UNC79: variants seen among roughly 807,000 people sequenced by gnomAD.
UNC79 encodes the protein unc-79 subunit of NALCN channel complex.
In UNC79, 37 loss-of-function variants were observed where a neutral mutation model predicts 283.1. That is an observed-to-expected ratio of 0.13 (90% CI 0.10 to 0.17). The LOEUF (loss-of-function observed/expected upper bound fraction) is 0.17, where lower values mean the gene tolerates loss of function less well. Among genes scored for constraint, UNC79 ranks in the 10% least tolerant of loss-of-function variants. UNC79 has a pLI of 1.00. For missense variants in UNC79, 2,272 were observed against 3,211.1 expected, an observed-to-expected ratio of 0.71 and a Z score of 7.07; for synonymous variants, 1,107 against 1,200.2, an observed-to-expected ratio of 0.92 and a Z score of 1.61.
In UNC79 at chr14:93,528,356, C is replaced by T. The variant is rs553545098; in HGVS notation, c.964-202C>T. On this transcript the variant is annotated intron_variant, in intron 8 of 48. Coordinates refer to ENST00000555664, the Ensembl canonical transcript of UNC79. ...AGTTAACAGGAGAAATGAAAAACCACGGCAGCCACATTTAAATCCTCAGGG... is the reference window on the plus strand; with the variant it reads ...AGTTAACAGGAGAAATGAAAAACCATGGCAGCCACATTTAAATCCTCAGGG... Among the ~76,000 whole-genome samples the T allele has an allele frequency of 1.6e-3, 247 of 152,318 alleles. 1 individual carries two copies. The highest frequency in any genetic ancestry group is 2.5e-3 in the Non-Finnish European group (171 of 68,032).
At chr14:93,577,961 G>T (rs1401764343) in exon 18 of UNC79, 1 of 1,614,096 alleles carries the variant, frequency 6.2e-7, no homozygotes, top group Non-Finnish European at 8.5e-7. Context: ...GCCCTTTCAA[G>T]AATTTTGGAC....
In UNC79 at chr14:93,348,441, CAG is replaced by C. The variant is rs2053913670; in HGVS notation, c.-351+14919_-351+14920del. The C allele has an allele frequency of 1.1e-5, 3 of 261,164 alleles. No homozygotes were observed. In the East Asian group the frequency reaches 2.6e-4, roughly 23 times the overall value. 16.2% of individuals were successfully genotyped at this position (261,164 alleles called of 1,614,324 possible). A position where few individuals can be genotyped will look rare whatever the true frequency, so the allele number is the denominator to read the frequency against. On this transcript the variant is annotated intron_variant, in intron 1 of 49. Coordinates refer to the UNC79 transcript ENST00000256339. ...CTGTGAAAGGTCTGACTTAGTGACT[CAG>C]GGAGTGACATTGTTACTATATGGGA...
chr14:93,550,576 T>A (rs1424815161), intron 14 of UNC79, among the ~76,000 whole-genome samples: 1 of 151,154 alleles, frequency 6.6e-6, no homozygotes, highest in Non-Finnish European at 1.5e-5. Context: ...ATTTAGTCAT[T>A]TACTACATTT....
At chr14:93,395,419 A>T (rs144874173) in intron 1 of UNC79, among the ~76,000 whole-genome samples, 196 of 152,334 alleles carry the variant, frequency 1.3e-3, no homozygotes, top group Non-Finnish European at 2.5e-3. Context: ...GACAAAAGGC[A>T]AAAGGGGAAC....
chr14:93,365,155 G>A (rs969103902), intron 1 of UNC79, among the ~76,000 whole-genome samples: 4 of 152,130 alleles, frequency 2.6e-5, no homozygotes, highest in African/African-American at 9.7e-5. Context: ...GGAGGCCGAG[G>A]TGGGTGGATC....
exon 39 of UNC79, chr14:93,659,205 T>C (rs1250431130): frequency 1.9e-6 from 3 of 1,610,548 alleles, no homozygotes; most frequent in African/African-American, 1.3e-5. Flanking sequence ...TTCTTTAGAT[T>C]CCAGTTTAAG....
At chr14:93,347,214 T>G (rs1324210052) in intron 1 of UNC79, 11 of 1,519,158 alleles carry the variant, frequency 7.2e-6, no homozygotes, top group Non-Finnish European at 8.9e-6. Context: ...CTTGCGTTAC[T>G]TGGCCTCACC....
intron 7 of UNC79, among the ~76,000 whole-genome samples, chr14:93,520,957 T>G (rs931457860): frequency 5.9e-5 from 9 of 152,030 alleles, no homozygotes; most frequent in African/African-American, 2.2e-4. Flanking sequence ...TCAAATAATT[T>G]TGACTGGATG....
chr14:93,576,442 GA>G (rs1403680517), intron 17 of UNC79, among the ~76,000 whole-genome samples: 1 of 151,200 alleles, frequency 6.6e-6, no homozygotes, highest in Admixed American at 6.6e-5. Flanking sequence ...AATTGAAAAA[GA>G]AAAAAAAGAG....
chr14:93,551,717 G>C (rs568087896), intron 14 of UNC79, among the ~76,000 whole-genome samples: 32 of 152,220 alleles, frequency 2.1e-4, no homozygotes, highest in Non-Finnish European at 4.6e-4. Context: ...GTAGTGGTGT[G>C]GGTTTTGAGA....
chr14:93,539,911 C>T (rs9989141), intron 12 of UNC79, among the ~76,000 whole-genome samples: 91,871 of 152,040 alleles, frequency 0.6, 28,336 homozygotes, highest in Admixed American at 0.68. Context: ...TTTTCTCTAT[C>T]GTTACATATT....
At chr14:93,644,548 G>C (rs2069389407) in intron 34 of UNC79, among the ~76,000 whole-genome samples, 1 of 152,092 alleles carries the variant, frequency 6.6e-6, no homozygotes, top group Non-Finnish European at 1.5e-5. Context: ...AATAAGATAG[G>C]GTGTGATTAA....
intron 7 of UNC79, among the ~76,000 whole-genome samples, chr14:93,515,379 C>T (rs1595714406): frequency 6.6e-6 from 1 of 152,006 alleles, no homozygotes; most frequent in Admixed American, 6.6e-5. Flanking sequence ...TCTGATGACT[C>T]AGTGTTCTGG....
In UNC79 at chr14:93,617,152, C is replaced by T; in HGVS notation, c.4072C>T (p.His1358Tyr). 1.2e-6 allele frequency: 2 copies of T among 1,613,306 alleles called. No individual in the cohort carries two copies. The highest frequency in any genetic ancestry group is 1.7e-6 in the Non-Finnish European group (2 of 1,179,564). The stretch of plus-strand genomic sequence containing the variant: ...GGACTATAACATTAACTTGGGAAAA[C>T]ACCTTCTCCCCTTAGTGGTTCAGGT... The change falls in exon 28 of 49, where the codon CAC becomes TAC. Residue 1358 changes from histidine to tyrosine, a missense_variant. His to Tyr is a moderately conservative substitution (Grantham distance 83, BLOSUM62 2). Transcript: ENST00000555664. This position sits in a 1 kb window ranked among gnomAD's most constrained non-coding sequence, Gnocchi z 4.5.
At chr14:93,637,327 G>A (rs1285483136) in intron 32 of UNC79, 28 bp downstream of exon 35, 1 of 1,610,994 alleles carries the variant, frequency 6.2e-7, no homozygotes, top group Admixed American at 1.7e-5. Context: ...GTCTCTGGCT[G>A]TAAAAGCTGA....
intron 31 of UNC79, 43 bp from the exon 35 acceptor site, chr14:93,637,173 A>C (rs776020150): frequency 1.1e-6 from 1 of 935,258 alleles, no homozygotes. Flanking sequence ...AAATGGTGCT[A>C]AGATGACCAC....
intron 30 of UNC79, among the ~76,000 whole-genome samples, chr14:93,626,828 A>G (rs1023496242): frequency 5.3e-5 from 8 of 152,346 alleles, no homozygotes; most frequent in East Asian, 3.9e-4. Flanking sequence ...AAACGTTAGT[A>G]TAGAGTTTGG....
At chr14:93,646,366 A>G (rs568037081) in intron 34 of UNC79, among the ~76,000 whole-genome samples, 1 of 152,250 alleles carries the variant, frequency 6.6e-6, no homozygotes, top group East Asian at 1.9e-4. Context: ...TAGAAAACCA[A>G]CTTTAACTGC....
chr14:93,411,976 A>C (rs1207026069), intron 1 of UNC79, among the ~76,000 whole-genome samples: 1 of 152,272 alleles, frequency 6.6e-6, no homozygotes, highest in Admixed American at 6.5e-5. Context: ...GGAGAAGCAA[A>C]GATATGTTGC....
Sources: gnomAD v4.1 joint callset for allele counts (sites outside exome capture counted in the v4.1 genomes callset) on GRCh38, gnomAD v4.1.1 for gene constraint, Gnocchi (gnomAD v3.1) non-coding constraint, MANE v1.5 for transcripts, NCBI Gene and HGNC (gene_info 2026-07-23, HGNC 2026-07-21) for gene names.